The following ADGRA1 variants were observed in gnomAD, a reference collection of about 807,000 sequenced individuals.
The protein encoded by ADGRA1 is adhesion G protein-coupled receptor A1, also known as G-protein coupled receptor 123.
Under a neutral mutation model 21.3 loss-of-function variants are expected in ADGRA1, and 12 were observed. That is an observed-to-expected ratio of 0.56 (90% confidence interval 0.36 to 0.91). The LOEUF is 0.91. Among genes scored for constraint, ADGRA1 ranks in the 40% least tolerant of loss-of-function variants. The pLI, the probability that ADGRA1 is intolerant of heterozygous loss-of-function variation, is 0.01. For missense variants in ADGRA1, 790 were observed against 805.6 expected, an observed-to-expected ratio of 0.98 and a Z score of 0.23; for synonymous variants, 385 against 368.8, an observed-to-expected ratio of 1.04 and a Z score of -0.50.
intron 2 of ADGRA1, chr10:133,093,112 A>G (rs1489028870): frequency 1.9e-6 from 3 of 1,596,132 alleles, no homozygotes; most frequent in Admixed American, 3.4e-5. Flanking sequence ...CGGACACCTC[A>G]CTGTGCAGGA....
intron 5 of ADGRA1, among the ~76,000 whole-genome samples, chr10:133,115,546 G>A (rs1389810894): frequency 6.6e-6 from 1 of 152,220 alleles, no homozygotes; most frequent in African/African-American, 2.4e-5. Flanking sequence ...GCCCATGCTT[G>A]GCAGAAGGGC....
chr10:133,111,262 G>A (rs1352699627), intron 5 of ADGRA1, among the ~76,000 whole-genome samples: 17 of 102,698 alleles, frequency 1.7e-4, no homozygotes, highest in African/African-American at 4.0e-4. Context: ...GCCCACCACA[G>A]GCACCTCCCT....
rs115093005 is a variant in ADGRA1 at position 133,102,171 on chromosome 10, G to A, written c.256-526G>A. On this transcript the variant is annotated intron_variant, in intron 4 of 6. Coordinates refer to ENST00000392607, the MANE Select transcript of ADGRA1 (RefSeq NM_001083909.3). ...GCCACACGAATGCCGGCCCCGTGGGGGGCTCATCCCACCCACAGTAAGAGC... is the reference window on the plus strand; with the variant it reads ...GCCACACGAATGCCGGCCCCGTGGGAGGCTCATCCCACCCACAGTAAGAGC... 841 of 453,250 alleles carry A rather than the reference G, an allele frequency of 1.9e-3. 5 individuals are homozygous for A. The highest frequency in any genetic ancestry group is 0.016 in the African/African-American group (791 of 50,126). The allele number at this position is 453,250 out of a possible 1,614,324, so 28.1% of individuals were successfully genotyped here.
chr10:133,123,285 C>G (rs1228957638), intron 5 of ADGRA1, among the ~76,000 whole-genome samples: 1 of 152,238 alleles, frequency 6.6e-6, no homozygotes, highest in African/African-American at 2.4e-5. Context: ...CTCTTCCGCT[C>G]TCTTCTGGGC....
At chr10:133,093,044 A>C (rs1258087347) in intron 2 of ADGRA1, 10 of 1,595,774 alleles carry the variant, frequency 6.3e-6, no homozygotes, top group Non-Finnish European at 7.6e-6. Context: ...CTGGCCCCGG[A>C]CACCTCACTG....
intron 5 of ADGRA1, among the ~76,000 whole-genome samples, chr10:133,114,496 C>G (rs1210668233): frequency 6.6e-6 from 1 of 152,184 alleles, no homozygotes; most frequent in African/African-American, 2.4e-5. Flanking sequence ...GACAGTGGCC[C>G]TGTCCTTCTC....
At chr10:133,120,426 C>A (rs1469816427) in intron 5 of ADGRA1, among the ~76,000 whole-genome samples, 1 of 152,166 alleles carries the variant, frequency 6.6e-6, no homozygotes, top group African/African-American at 2.4e-5. Flanking sequence ...AAAAATATAT[C>A]TTGTTTAGTG....
chr10:133,125,462 C>T (rs1049981810), intron 5 of ADGRA1, among the ~76,000 whole-genome samples: 4 of 152,182 alleles, frequency 2.6e-5, no homozygotes, highest in African/African-American at 7.2e-5. Context: ...CTCGTTCTGT[C>T]GCCCAGGCTG....
chr10:133,129,604 C>A lies in ADGRA1; in HGVS notation c.*93C>A. On this transcript the variant is annotated 3_prime_UTR_variant, in exon 7 of 7. Coordinates refer to ENST00000392607, the MANE Select transcript of ADGRA1 (RefSeq NM_001083909.3). Reference sequence around the variant, plus strand: ...GAGGTCACTGGGGGTACCGAAGTGACCCCGCCTTTCAGAAGCCGTTCACAC... The same window carrying A: ...GAGGTCACTGGGGGTACCGAAGTGAACCCGCCTTTCAGAAGCCGTTCACAC... The A allele has an allele frequency of 1.8e-6, 2 of 1,135,096 alleles. No homozygotes were observed. Among genetic ancestry groups the A allele is most frequent in the South Asian group, 1.6e-5 (1 of 62,846 alleles). The allele number at this position is 1,135,096 out of a possible 1,614,324, so 70.3% of individuals were successfully genotyped here.
At chr10:133,089,357 T>G (rs1017780536) in intron 2 of ADGRA1, among the ~76,000 whole-genome samples, 1 of 152,036 alleles carries the variant, frequency 6.6e-6, no homozygotes, top group East Asian at 1.9e-4. Flanking sequence ...CAGACGTAGG[T>G]GGGCTTCAGC....
At chr10:133,102,869 C>T in intron 5 of ADGRA1, 27 bp downstream of exon 5, 1 of 1,590,910 alleles carries the variant, frequency 6.3e-7, no homozygotes, top group East Asian at 2.3e-5. Context: ...GGCGCGAGGC[C>T]CCGCCACCTG....
At chr10:133,089,671 C>T (rs924430271) in intron 2 of ADGRA1, among the ~76,000 whole-genome samples, 1 of 152,242 alleles carries the variant, frequency 6.6e-6, no homozygotes, top group Non-Finnish European at 1.5e-5. Flanking sequence ...CCACAGACGC[C>T]GGCTGGCGTG....
rs573691771 is a variant in ADGRA1, at chr10:133,101,635, C to T, written c.256-1062C>T. Among the ~76,000 whole-genome samples, 18 of 152,352 alleles carry T rather than the reference C, an allele frequency of 1.2e-4. No homozygotes were observed. The South Asian group carries it at 3.1e-3, about 26-fold the overall frequency. On this transcript the variant is annotated intron_variant, in intron 4 of 6. Transcript: ENST00000392607. ...GGCTGCTTCCTGAAAAGAAAGAACC[C>T]GAGGCCGGGCTGTGGGGGCTGCCTC...
chr10:133,123,148 G>A (rs743051), intron 5 of ADGRA1, among the ~76,000 whole-genome samples: 1,828 of 152,290 alleles, frequency 0.012, 10 homozygotes, highest in Non-Finnish European at 0.016. Flanking sequence ...CTCTAAGCCT[G>A]CTAACTCCTC....
chr10:133,095,143 G>A (rs1048892629), intron 2 of ADGRA1, among the ~76,000 whole-genome samples: 2 of 152,144 alleles, frequency 1.3e-5, no homozygotes, highest in African/African-American at 4.8e-5. Flanking sequence ...CTGATCTCTG[G>A]GGGAAGCAGG....
rs538338497 is a variant in ADGRA1 at position 133,112,367 on chromosome 10, G to A, written c.401+9525G>A. The stretch of plus-strand genomic sequence containing the variant: ...GCTGCGTCAGTTATTTGGGGTCTGC[G>A]GGCCGTGTCGGTTATTTGGGGTCTA... On this transcript the variant is annotated intron_variant, in intron 5 of 6. Coordinates refer to ENST00000392607, the MANE Select transcript of ADGRA1 (RefSeq NM_001083909.3). Among the ~76,000 whole-genome samples, 266 of 149,464 alleles carry A rather than the reference G, an allele frequency of 1.8e-3. 3 individuals are homozygous for A. The highest frequency in any genetic ancestry group is 3.6e-3 in the Middle Eastern group (1 of 280).
chr10:133,125,321 A>G (rs548681945), intron 5 of ADGRA1, among the ~76,000 whole-genome samples: 1 of 152,152 alleles, frequency 6.6e-6, no homozygotes, highest in East Asian at 1.9e-4. Flanking sequence ...TTCCGTTTTT[A>G]CCACTTTAAG....
intron 5 of ADGRA1, among the ~76,000 whole-genome samples, chr10:133,126,533 G>T (rs1323642732): frequency 3.9e-5 from 6 of 152,188 alleles, no homozygotes; most frequent in African/African-American, 9.7e-5. Context: ...GCAGCCAGGG[G>T]TTGTCTCATG....
intron 5 of ADGRA1, among the ~76,000 whole-genome samples, chr10:133,116,234 A>G (rs535326324): frequency 2.0e-5 from 3 of 152,224 alleles, no homozygotes; most frequent in South Asian, 4.1e-4. Flanking sequence ...ATGTGGTGAA[A>G]ATGCTCCTGG....
Sources: gnomAD v4.1 joint callset for allele counts (sites outside exome capture counted in the v4.1 genomes callset) on GRCh38, gnomAD v4.1.1 for gene constraint, MANE v1.5 for transcripts, NCBI Gene and HGNC (gene_info 2026-07-23, HGNC 2026-07-21) for gene names.